Variants in SPATS2 observed in about 807,000 individuals in gnomAD.
SPATS2 encodes spermatogenesis-associated serine-rich protein 2.
A neutral mutation model predicts 63.7 loss-of-function variants in SPATS2; 38 were observed. The ratio of observed to expected loss-of-function variants is 0.60; its 90% CI spans 0.46 to 0.78. The LOEUF is 0.78. Among genes scored for constraint, SPATS2 ranks in the 30% least tolerant of loss-of-function variants. The pLI, the probability that SPATS2 is intolerant of heterozygous loss-of-function variation, is 0.00. For synonymous variants in SPATS2, 207 were observed against 232.9 expected, an observed-to-expected ratio of 0.89 and a Z score of 1.01; for missense variants, 588 against 666.2, an observed-to-expected ratio of 0.88 and a Z score of 1.29.
chr12:49,508,300 C>G (rs1430690833), intron 9 of SPATS2, among the ~76,000 whole-genome samples: 1 of 152,088 alleles, frequency 6.6e-6, no homozygotes, highest in Non-Finnish European at 1.5e-5. Flanking sequence ...CTCTGCCTCC[C>G]GGGTTCAAGC....
intron 2 of SPATS2, among the ~76,000 whole-genome samples, chr12:49,382,905 A>G (rs1294415280): frequency 6.6e-6 from 1 of 151,744 alleles, no homozygotes; most frequent in Non-Finnish European, 1.5e-5. Context: ...GAGTTTCACC[A>G]TGTTGGCCAG....
intron 2 of SPATS2, among the ~76,000 whole-genome samples, chr12:49,450,838 C>T (rs927071422): frequency 1.3e-5 from 2 of 151,600 alleles, no homozygotes; most frequent in Non-Finnish European, 2.9e-5. Flanking sequence ...GCTACTGTGT[C>T]AGCCTATTTT....
chr12:49,501,569 T>G (rs1946567925), intron 9 of SPATS2, among the ~76,000 whole-genome samples: 1 of 152,212 alleles, frequency 6.6e-6, no homozygotes, highest in Admixed American at 6.5e-5. Context: ...ACACTGAAGC[T>G]GTTTTAACTG....
intron 2 of SPATS2, among the ~76,000 whole-genome samples, chr12:49,402,551 A>G (rs1944624711): frequency 6.6e-6 from 1 of 152,180 alleles, no homozygotes; most frequent in South Asian, 2.1e-4. Context: ...AATGTAGGGT[A>G]AAGGACGAGA....
At chr12:49,475,388 AT>A (rs1437513969) in intron 3 of SPATS2, among the ~76,000 whole-genome samples, 3 of 152,206 alleles carry the variant, frequency 2.0e-5, no homozygotes, top group Non-Finnish European at 4.4e-5. Flanking sequence ...CTACAAAAAA[AT>A]TACAATTGAA....
At chr12:49,458,901 T>C (rs934923591) in intron 2 of SPATS2, among the ~76,000 whole-genome samples, 1 of 152,204 alleles carries the variant, frequency 6.6e-6, no homozygotes, top group African/African-American at 2.4e-5. Context: ...TAATCTCATT[T>C]TGATGTTTCA....
intron 2 of SPATS2, among the ~76,000 whole-genome samples, chr12:49,419,372 A>T (rs1944941859): frequency 6.6e-6 from 1 of 152,192 alleles, no homozygotes; most frequent in Non-Finnish European, 1.5e-5. Flanking sequence ...CAAGCCTGGG[A>T]GTGGTTTGGA....
At chr12:49,476,708 CT>C (rs976930192) in intron 3 of SPATS2, among the ~76,000 whole-genome samples, 15 of 152,196 alleles carry the variant, frequency 9.9e-5, no homozygotes, top group Admixed American at 7.9e-4. Flanking sequence ...GACAAGGGAA[CT>C]TTTCCTGTTG....
chr12:49,421,416 CAAAAAAAAAAAAAAAAAA>C, intron 2 of SPATS2, among the ~76,000 whole-genome samples: 1 of 52,110 alleles, frequency 1.9e-5, no homozygotes, highest in African/African-American at 8.4e-5. Context: ...GACTTTGTCT[CAAAAAAAAAAAAAAAAAA>C]AAAAAAAAAC....
intron 2 of SPATS2, among the ~76,000 whole-genome samples, chr12:49,425,639 T>C (rs999481881): frequency 9.3e-5 from 14 of 151,010 alleles, no homozygotes; most frequent in African/African-American, 3.4e-4. Flanking sequence ...TTAATATTTC[T>C]GTCTTTTTTG....
intron 9 of SPATS2, among the ~76,000 whole-genome samples, chr12:49,504,746 C>G (rs1946626637): frequency 8.1e-6 from 1 of 124,074 alleles, no homozygotes; most frequent in Non-Finnish European, 1.7e-5. Flanking sequence ...TTTTTTTTTT[C>G]CTGTTTCTTT....
At chr12:49,525,123 G>T (rs1051796284) in intron 13 of SPATS2, among the ~76,000 whole-genome samples, 1 of 152,172 alleles carries the variant, frequency 6.6e-6, no homozygotes, top group Non-Finnish European at 1.5e-5. Context: ...TCTTGTGTTG[G>T]CAGTGATCCC....
intron 3 of SPATS2, among the ~76,000 whole-genome samples, chr12:49,482,355 C>T (rs984953256): frequency 2.0e-5 from 3 of 152,130 alleles, no homozygotes; most frequent in Admixed American, 6.5e-5. Flanking sequence ...TCTAATCTTT[C>T]TCTGAGGGGT....
At chr12:49,390,521 A>G (rs1434543080) in intron 2 of SPATS2, among the ~76,000 whole-genome samples, 7 of 152,226 alleles carry the variant, frequency 4.6e-5, no homozygotes, top group Non-Finnish European at 8.8e-5. Flanking sequence ...TTAAAAATAT[A>G]AAGTTTTGCC....
chr12:49,477,962 C>CTTTTTTT (rs1002916907), intron 3 of SPATS2, among the ~76,000 whole-genome samples: 23 of 105,208 alleles, frequency 2.2e-4, no homozygotes, highest in South Asian at 6.3e-4. Context: ...GTGGTTTTGT[C>CTTTTTTT]TTTTTTTTTT....
chr12:49,490,630 G>T, intron 5 of SPATS2, 52 bp from the exon 6 acceptor site: 1 of 1,529,884 alleles, frequency 6.5e-7, no homozygotes, highest in South Asian at 1.1e-5. Context: ...ACTCCTGCTT[G>T]ACTACTGTGT....
intron 9 of SPATS2, among the ~76,000 whole-genome samples, chr12:49,500,597 C>T (rs542903616): frequency 1.3e-5 from 2 of 152,104 alleles, no homozygotes; most frequent in Admixed American, 6.5e-5. Flanking sequence ...ACGGTGAAAA[C>T]CCGTCTCTAC....
intron 2 of SPATS2, among the ~76,000 whole-genome samples, chr12:49,411,347 A>G (rs979288484): frequency 6.6e-6 from 1 of 152,116 alleles, no homozygotes; most frequent in Non-Finnish European, 1.5e-5. Context: ...CCAAGCCTCC[A>G]TAACTCAAAT....
At chr12:49,440,399 A>G (rs1415895772) in intron 2 of SPATS2, among the ~76,000 whole-genome samples, 1 of 151,806 alleles carries the variant, frequency 6.6e-6, no homozygotes, top group African/African-American at 2.4e-5. Flanking sequence ...ACCATGCATT[A>G]TATTTAGTTA....
Sources: allele counts gnomAD v4.1 joint callset (sites outside exome capture counted in the v4.1 genomes callset), GRCh38; gene constraint gnomAD v4.1.1; transcripts MANE v1.5; gene names NCBI Gene and HGNC (gene_info 2026-07-23, HGNC 2026-07-21).